The following CDH18 variants were observed in gnomAD, a reference collection of about 807,000 sequenced individuals.
CDH18 encodes cadherin-18.
Under a neutral mutation model 67.9 loss-of-function variants are expected in CDH18, and 31 were observed. That is an observed-to-expected ratio of 0.46 (90% CI 0.34 to 0.62). The LOEUF is 0.62. CDH18 is among the 20% of genes least tolerant of loss of function. CDH18 has a pLI of 0.01. For missense variants in CDH18, 890 were observed against 975.5 expected, an observed-to-expected ratio of 0.91 and a Z score of 1.17; for synonymous variants, 362 against 347.2, an observed-to-expected ratio of 1.04 and a Z score of -0.48.
chr5:20,332,421 T>C (rs1313034161), intron 1 of CDH18, among the ~76,000 whole-genome samples: 1 of 152,212 alleles, frequency 6.6e-6, no homozygotes, highest in Non-Finnish European at 1.5e-5. Flanking sequence ...AAATCATTCT[T>C]GTAATAAAAG....
At chr5:20,205,005 C>T (rs1739769297) in intron 2 of CDH18, among the ~76,000 whole-genome samples, 1 of 151,666 alleles carries the variant, frequency 6.6e-6, no homozygotes. Context: ...AAAGGAAGAA[C>T]AGAGCTGCAA....
intron 2 of CDH18, among the ~76,000 whole-genome samples, chr5:19,896,531 T>C (rs1164515477): frequency 6.6e-6 from 1 of 152,094 alleles, no homozygotes; most frequent in African/African-American, 2.4e-5. Context: ...CACTGGGAGC[T>C]GGAAGGCCAA....
At chr5:19,927,149 T>C (rs905023892) in intron 2 of CDH18, among the ~76,000 whole-genome samples, 4 of 152,158 alleles carry the variant, frequency 2.6e-5, no homozygotes, top group African/African-American at 9.7e-5. Context: ...ACTTACAATA[T>C]AGTCAATAAC....
intron 4 of CDH18, among the ~76,000 whole-genome samples, chr5:19,722,715 T>C (rs912212269): frequency 1.3e-5 from 2 of 151,910 alleles, no homozygotes; most frequent in Non-Finnish European, 2.9e-5. Context: ...TGATGAATCA[T>C]CTAATGGTGC....
chr5:20,148,236 C>T (rs1040491564), intron 2 of CDH18, among the ~76,000 whole-genome samples: 5 of 151,726 alleles, frequency 3.3e-5, no homozygotes, highest in African/African-American at 1.2e-4. Flanking sequence ...GGACTACAGA[C>T]GCCCATCACC....
At chr5:20,169,830 A>T (rs967660213) in intron 2 of CDH18, among the ~76,000 whole-genome samples, 2 of 152,144 alleles carry the variant, frequency 1.3e-5, no homozygotes, top group Non-Finnish European at 2.9e-5. Flanking sequence ...TACTTTTTAT[A>T]TTCGGAAGAA....
At chr5:19,591,372 T>C (rs1401223660) in intron 6 of CDH18, 128 bp from the exon 7 acceptor site, 4 of 497,966 alleles carry the variant, frequency 8.0e-6, no homozygotes, top group Non-Finnish European at 1.3e-5. Context: ...AATGGACTTT[T>C]TTAGATTTTA....
rs1009586752 is a variant in CDH18, at chr5:20,343,684, C to T, written c.-579-88179G>A. Among the ~76,000 whole-genome samples, 7 of 152,250 alleles carry T rather than the reference C, an allele frequency of 4.6e-5. No individual in the cohort carries two copies. The South Asian group carries it at 1.3e-3, about 27-fold the overall frequency. ...TGCTCAACTGGTTGAGCAAATTGCT[C>T]TCACTAGGGTACTTGGATTAAACAA... On this transcript the variant is annotated intron_variant, in intron 1 of 14. Transcript: ENST00000507958.
intron 2 of CDH18, among the ~76,000 whole-genome samples, chr5:20,102,289 C>G (rs545069096): frequency 6.6e-6 from 1 of 151,412 alleles, no homozygotes; most frequent in Non-Finnish European, 1.5e-5. Flanking sequence ...AATGTACTTA[C>G]GGAAGTACGT....
intron 1 of CDH18, among the ~76,000 whole-genome samples, chr5:20,347,266 G>A (rs1202767558): frequency 6.6e-6 from 1 of 152,090 alleles, no homozygotes; most frequent in Non-Finnish European, 1.5e-5. Flanking sequence ...TGATGCAGAT[G>A]GCACCCCACA....
At chr5:19,540,337 G>A (rs182840530) in intron 9 of CDH18, among the ~76,000 whole-genome samples, 4 of 152,236 alleles carry the variant, frequency 2.6e-5, no homozygotes, top group Admixed American at 6.5e-5. Flanking sequence ...TGCTTTCAGG[G>A]CTGGCATTGA....
rs189949713 is a variant in CDH18 at position 20,309,975 on chromosome 5, A to G, written c.-579-54470T>C. On this transcript the variant is annotated intron_variant, in intron 1 of 14. Transcript: ENST00000507958. ...CTAAGTTGCTATCCCTTTATTAAAC[A>G]CATAAAAAAATCTCACTAATAGTTT... Among the ~76,000 whole-genome samples the G allele has an allele frequency of 4.4e-3, 658 of 150,948 alleles. 17 individuals carry two copies. The highest frequency in any genetic ancestry group is 0.016 in the East Asian group (80 of 4,988).
intron 5 of CDH18, among the ~76,000 whole-genome samples, chr5:19,649,225 G>A (rs1250482685): frequency 1.3e-5 from 2 of 152,062 alleles, no homozygotes; most frequent in South Asian, 2.1e-4. Flanking sequence ...AACAGAAATA[G>A]TCTTTGAATG....
intron 2 of CDH18, among the ~76,000 whole-genome samples, chr5:20,079,191 A>C (rs969912750): frequency 6.6e-6 from 1 of 152,078 alleles, no homozygotes; most frequent in Non-Finnish European, 1.5e-5. Flanking sequence ...CACTGCACCC[A>C]CTGACCAATA....
At chr5:19,653,992 T>A (rs1286861378) in intron 5 of CDH18, among the ~76,000 whole-genome samples, 2 of 152,180 alleles carry the variant, frequency 1.3e-5, no homozygotes, top group Non-Finnish European at 2.9e-5. Context: ...TTGTTAATGT[T>A]TCCCTAACTA....
intron 2 of CDH18, among the ~76,000 whole-genome samples, chr5:20,209,149 G>T (rs1740150069): frequency 6.6e-6 from 1 of 151,992 alleles, no homozygotes; most frequent in Admixed American, 6.6e-5. Context: ...GTATACTGTT[G>T]GTAGAAAGGT....
intron 2 of CDH18, among the ~76,000 whole-genome samples, chr5:19,968,011 A>G (rs1797631474): frequency 6.6e-6 from 1 of 150,948 alleles, no homozygotes; most frequent in Admixed American, 6.6e-5. Context: ...TACAAAATCA[A>G]TGTACAAAAA....
intron 1 of CDH18, among the ~76,000 whole-genome samples, chr5:20,429,782 A>G (rs1412523883): frequency 6.6e-6 from 1 of 152,154 alleles, no homozygotes; most frequent in Non-Finnish European, 1.5e-5. Flanking sequence ...AAATAAGGAA[A>G]CCTCAGGTAA....
chr5:19,977,286 G>A (rs1798590286), intron 2 of CDH18, among the ~76,000 whole-genome samples: 1 of 152,176 alleles, frequency 6.6e-6, no homozygotes, highest in Non-Finnish European at 1.5e-5. Context: ...ATCAGATGCT[G>A]ATGTAATCTC....
Sources: allele counts gnomAD v4.1 joint callset (sites outside exome capture counted in the v4.1 genomes callset), GRCh38; gene constraint gnomAD v4.1.1; transcripts MANE v1.5; gene names NCBI Gene and HGNC (gene_info 2026-07-23, HGNC 2026-07-21).